The following LIMCH1 variants were observed in gnomAD, a reference collection of about 807,000 sequenced individuals.
LIMCH1 encodes the protein LIM and calponin homology domains 1.
Under a neutral mutation model 176.5 loss-of-function variants are expected in LIMCH1, and 113 were observed. The ratio of observed to expected loss-of-function variants is 0.64; its 90% CI spans 0.55 to 0.75. LIMCH1 has a LOEUF of 0.75. Among genes scored for constraint, LIMCH1 ranks in the 30% least tolerant of loss-of-function variants. LIMCH1 has a pLI of 0.00. For synonymous variants in LIMCH1, 619 were observed against 645.9 expected (o/e 0.96, Z 0.63); for missense variants, 1,674 against 1,814.9 (o/e 0.92, Z 1.41).
intron 3 of LIMCH1, among the ~76,000 whole-genome samples, chr4:41,530,866 A>G (rs1271133740): frequency 1.5e-5 from 2 of 133,408 alleles, no homozygotes; most frequent in East Asian, 4.7e-4. Flanking sequence ...AAGGCAGGGA[A>G]GAGGGAGGTT....
At chr4:41,691,230 A>G (rs1725352338) in intron 30 of LIMCH1, among the ~76,000 whole-genome samples, 1 of 152,078 alleles carries the variant, frequency 6.6e-6, no homozygotes. Flanking sequence ...ATTTGGATTA[A>G]GCCTCACTCT....
chr4:41,508,435 C>T (rs1029728614), intron 2 of LIMCH1, among the ~76,000 whole-genome samples: 1 of 152,158 alleles, frequency 6.6e-6, no homozygotes, highest in Non-Finnish European at 1.5e-5. Context: ...GGACAAGCCA[C>T]CCAGGACCAG....
intron 1 of LIMCH1, among the ~76,000 whole-genome samples, chr4:41,545,171 G>C (rs1159175647): frequency 3.3e-5 from 5 of 152,178 alleles, no homozygotes; most frequent in Non-Finnish European, 7.3e-5. Context: ...AAACTTAAGA[G>C]ATATTTTTAG....
intron 1 of LIMCH1, among the ~76,000 whole-genome samples, chr4:41,392,772 CT>C (rs1270034069): frequency 3.3e-5 from 4 of 120,740 alleles, no homozygotes; most frequent in Non-Finnish European, 6.2e-5. Flanking sequence ...TGGCTTACCC[CT>C]GTCATCCCAG....
chr4:41,640,390 G>A (rs1451935088), intron 14 of LIMCH1, among the ~76,000 whole-genome samples: 1 of 152,200 alleles, frequency 6.6e-6, no homozygotes, highest in Non-Finnish European at 1.5e-5. Context: ...AAAGGTGAAA[G>A]AAAGGAAGGG....
chr4:41,394,703 C>T (rs1002130720), intron 1 of LIMCH1, among the ~76,000 whole-genome samples: 1 of 152,134 alleles, frequency 6.6e-6, no homozygotes, highest in Non-Finnish European at 1.5e-5. Flanking sequence ...TTGGGGAACA[C>T]CTAAATAGCT....
In LIMCH1 at chr4:41,629,590, A is replaced by AT. The variant is rs1413515621; in HGVS notation, c.1128dup (p.Leu377SerfsTer5). The AT allele has an allele frequency of 2.6e-6, 4 of 1,535,986 alleles. No homozygotes were observed. The South Asian group carries it at 4.8e-5, about 18-fold the overall frequency. ...GAAGGAGGACTCAGGAAGGTGCCAG[A>AT]TCTTCACAAGGATGACCTGGCCCAG... On this transcript the variant is annotated frameshift_variant, in exon 9 of 32. Transcript: ENST00000503057. LOFTEE classifies it high-confidence loss of function.
chr4:41,534,149 A>C (rs1396477460), upstream of LIMCH1, among the ~76,000 whole-genome samples: 1 of 152,232 alleles, frequency 6.6e-6, no homozygotes, highest in East Asian at 1.9e-4. Context: ...GGAGATAAGT[A>C]GTCCAAATGA....
chr4:41,567,162 G>T (rs1486143824), intron 1 of LIMCH1, among the ~76,000 whole-genome samples: 2 of 152,176 alleles, frequency 1.3e-5, no homozygotes, highest in South Asian at 2.1e-4. Flanking sequence ...TGAGGTTAAG[G>T]GGGGGACCTG....
chr4:41,363,742 G>A (rs552018959), intron 1 of LIMCH1, among the ~76,000 whole-genome samples: 2 of 152,234 alleles, frequency 1.3e-5, no homozygotes, highest in African/African-American at 4.8e-5. Context: ...AGTTGGCAAA[G>A]GTGAAAGCTC....
intron 1 of LIMCH1, among the ~76,000 whole-genome samples, chr4:41,368,127 T>C (rs2053390037): frequency 6.6e-6 from 1 of 152,232 alleles, no homozygotes; most frequent in South Asian, 2.1e-4. Context: ...CTTATTCCAA[T>C]TGAAATGGAA....
chr4:41,363,199 T>G (rs993524581), intron 1 of LIMCH1, among the ~76,000 whole-genome samples: 1 of 152,126 alleles, frequency 6.6e-6, no homozygotes, highest in South Asian at 2.1e-4. Flanking sequence ...TAACAGATGG[T>G]TTTGCATGCA....
intron 1 of LIMCH1, among the ~76,000 whole-genome samples, chr4:41,419,697 T>TTCCTCCTTCCTTCC (rs1284725464): frequency 1.1e-5 from 1 of 88,376 alleles, no homozygotes; most frequent in Admixed American, 1.3e-4. Flanking sequence ...CCTTCCTTCC[T>TTCCTCCTTCCTTCC]TCCTTCCTTC....
chr4:41,663,147 G>A (rs2094690476), intron 20 of LIMCH1, among the ~76,000 whole-genome samples, 163 bp downstream of exon 20: 1 of 147,912 alleles, frequency 6.8e-6, no homozygotes, highest in Admixed American at 6.7e-5. Flanking sequence ...GTGTGTGTGT[G>A]TGTGTGTGTG....
At chr4:41,696,928 G>A (rs75761431) in intron 31 of LIMCH1, among the ~76,000 whole-genome samples, 3 of 152,160 alleles carry the variant, frequency 2.0e-5, no homozygotes, top group African/African-American at 7.2e-5. Context: ...TGGGCACCAC[G>A]TTAAGTGGGT....
chr4:41,697,223 T>C lies in LIMCH1; in HGVS notation c.*38T>C. The C allele has an allele frequency of 6.2e-7, 1 of 1,602,970 alleles. No homozygotes were observed. ...GCTTCCGGATCACTCACCATTTCTT[T>C]ACTGAGAGTGTCCCCTGGCAACTGC... is the stretch of plus-strand genomic sequence containing the variant. On this transcript the variant is annotated 3_prime_UTR_variant, in exon 32 of 32. Transcript: ENST00000503057.
chr4:41,644,388 G>C (rs1404720859), intron 14 of LIMCH1, 112 bp from the exon 15 acceptor site: 9 of 1,318,974 alleles, frequency 6.8e-6, no homozygotes, highest in Non-Finnish European at 9.0e-6. Flanking sequence ...GCCCGGGAAG[G>C]GGGCAGTTTT....
At chr4:41,648,658 G>GGTGGGT (rs2094160201) in intron 17 of LIMCH1, among the ~76,000 whole-genome samples, 1 of 135,334 alleles carries the variant, frequency 7.4e-6, no homozygotes, top group Non-Finnish European at 1.6e-5. Flanking sequence ...AAGGGGTAGG[G>GGTGGGT]GTGTGTGTGT....
intron 1 of LIMCH1, chr4:41,389,282 G>A (rs2056915149): frequency 6.6e-6 from 1 of 152,416 alleles, no homozygotes; most frequent in African/African-American, 2.4e-5. Flanking sequence ...GGAAATGTCT[G>A]AGGATTACAG....
Sources: allele counts gnomAD v4.1 joint callset (sites outside exome capture counted in the v4.1 genomes callset), GRCh38; gene constraint gnomAD v4.1.1; transcripts MANE v1.5; gene names NCBI Gene and HGNC (gene_info 2026-07-23, HGNC 2026-07-21).